Variants in CAMTA1 observed in about 807,000 individuals in gnomAD.
The protein encoded by CAMTA1 is calmodulin-binding transcription activator 1.
Under a neutral mutation model 170.9 loss-of-function variants are expected in CAMTA1, and 27 were observed. That is an observed-to-expected ratio of 0.16 (90% CI 0.12 to 0.22). CAMTA1 has a LOEUF of 0.22. Among genes scored for constraint, CAMTA1 ranks in the 10% least tolerant of loss-of-function variants. CAMTA1 has a pLI of 1.00. For missense variants in CAMTA1, 1,619 were observed against 2,217.2 expected, an observed-to-expected ratio of 0.73 and a Z score of 5.42; for synonymous variants, 833 against 891.5, an observed-to-expected ratio of 0.93 and a Z score of 1.17.
chr1:7,720,852 G>C (rs12069173), intron 11 of CAMTA1, among the ~76,000 whole-genome samples: 4,754 of 152,232 alleles, frequency 0.031, 208 homozygotes, highest in African/African-American at 0.097. Context: ...GCAGCCAGCC[G>C]GGCAGACACT....
At chr1:7,157,098 C>G (rs1197274663) in intron 4 of CAMTA1, among the ~76,000 whole-genome samples, 1 of 152,038 alleles carries the variant, frequency 6.6e-6, no homozygotes, top group Non-Finnish European at 1.5e-5. Flanking sequence ...AATCCCAGCA[C>G]TTTGGGAGGC....
intron 4 of CAMTA1, among the ~76,000 whole-genome samples, chr1:7,174,062 G>GC (rs1166645364): frequency 2.6e-5 from 4 of 152,068 alleles, no homozygotes; most frequent in Non-Finnish European, 1.5e-5. Context: ...CCACACGAGA[G>GC]CCCCTCCACT....
At position 7,562,640 on chromosome 1, in the gene CAMTA1, G is replaced by A. The variant is rs978064669; in HGVS notation, c.511-77760G>A. Among the ~76,000 whole-genome samples the A allele has an allele frequency of 5.9e-5, 9 of 152,192 alleles. No individual in the cohort carries two copies. Among genetic ancestry groups the A allele is most frequent in the Admixed American group, 2.6e-4 (4 of 15,270 alleles). On this transcript the variant is annotated intron_variant, in intron 6 of 22. Transcript: ENST00000303635. This position sits in a 1 kb window ranked among gnomAD's most constrained non-coding sequence, Gnocchi z 4.8. ...TCGGAGATGTCACCCACAACCGTCC[G>A]AAGAGATACCCAAATTGTACGCCAC...
At chr1:7,514,345 G>C (rs1047562108) in intron 6 of CAMTA1, among the ~76,000 whole-genome samples, 6 of 152,364 alleles carry the variant, frequency 3.9e-5, no homozygotes, top group African/African-American at 1.2e-4. Flanking sequence ...GCCTGGGCCA[G>C]AGTCTCTCTG....
rs1054529288 is a variant in CAMTA1, at chr1:6,971,970, G to T, written c.235-119334G>T. ...TGGCCTTGTGTTCTGGACAGGCCGT[G>T]AGCAGGAGACTGATCGTCTTGATGA... On this transcript the variant is annotated intron_variant, in intron 3 of 22. Coordinates refer to ENST00000303635, the MANE Select transcript of CAMTA1 (RefSeq NM_015215.4). This position sits in a 1 kb window ranked among gnomAD's most constrained non-coding sequence, Gnocchi z 4.6. 2.0e-5 allele frequency among the ~76,000 whole-genome samples: 3 copies of T among 152,238 alleles called. No individual in the cohort carries two copies. The highest frequency in any genetic ancestry group is 2.0e-4 in the Admixed American group (3 of 15,290).
At chr1:7,549,250 G>A (rs1000073715) in intron 6 of CAMTA1, among the ~76,000 whole-genome samples, 8 of 151,648 alleles carry the variant, frequency 5.3e-5, no homozygotes, top group African/African-American at 1.7e-4. Context: ...CCTCTTAGGG[G>A]TGGAGGTGCC....
intron 6 of CAMTA1, among the ~76,000 whole-genome samples, chr1:7,558,362 C>T (rs2094909787): frequency 6.6e-6 from 1 of 152,220 alleles, no homozygotes; most frequent in South Asian, 2.1e-4. Context: ...AGGCGGGGAG[C>T]ATGGAGCCCC....
At chr1:6,824,975 C>T (rs780587536) in intron 2 of CAMTA1, 117 bp from the exon 3 acceptor site, 31 of 569,010 alleles carry the variant, frequency 5.4e-5, no homozygotes, top group Non-Finnish European at 8.8e-5. Flanking sequence ...AGTGGGGCCT[C>T]TGATGCTCTT....
At chr1:7,004,962 G>T (rs1698769330) in intron 3 of CAMTA1, among the ~76,000 whole-genome samples, 1 of 152,158 alleles carries the variant, frequency 6.6e-6, no homozygotes, top group Non-Finnish European at 1.5e-5. Context: ...AGTAGAGACG[G>T]GGTTTCACTA....
At chr1:6,972,457 C>T (rs1692715904) in intron 3 of CAMTA1, among the ~76,000 whole-genome samples, 1 of 152,142 alleles carries the variant, frequency 6.6e-6, no homozygotes, top group South Asian at 2.1e-4. Flanking sequence ...TTAGTAAGCA[C>T]TTCTGTGTGC....
intron 5 of CAMTA1, among the ~76,000 whole-genome samples, chr1:7,280,277 C>T (rs1671324283): frequency 6.6e-6 from 1 of 152,126 alleles, no homozygotes; most frequent in African/African-American, 2.4e-5. Context: ...CTGAATTGCG[C>T]CCACCAGGGA....
At chr1:7,354,805 T>G (rs114273947) in intron 5 of CAMTA1, among the ~76,000 whole-genome samples, 7 of 152,194 alleles carry the variant, frequency 4.6e-5, no homozygotes, top group Non-Finnish European at 8.8e-5. Context: ...ATGTGCGTTT[T>G]TCTGATGATG....
rs1009230166 is a variant in CAMTA1, at chr1:7,248,104, G to A, written c.303-1387G>A. Among the ~76,000 whole-genome samples the A allele has an allele frequency of 6.6e-6, 1 of 152,188 alleles. No individual in the cohort carries two copies. The highest frequency in any genetic ancestry group is 1.5e-5 in the Non-Finnish European group (1 of 68,042). On this transcript the variant is annotated intron_variant, in intron 4 of 22. Coordinates refer to ENST00000303635, the MANE Select transcript of CAMTA1 (RefSeq NM_015215.4). The surrounding 1 kb of genome is among the most constrained non-coding windows in gnomAD (Gnocchi z 4.0). ...TATTGCCGCTGAATGACATAGTGGG[G>A]CTGGGTGGAAACTACAATTAGCTGC...
chr1:7,633,829 A>G lies in CAMTA1; in HGVS notation c.511-6571A>G, dbSNP rs2095689200. 6.6e-6 allele frequency among the ~76,000 whole-genome samples: 1 copy of G among 152,252 alleles called. No individual in the cohort carries two copies. Among genetic ancestry groups the G allele is most frequent in the Non-Finnish European group, 1.5e-5 (1 of 68,046 alleles). ...CGGAAACTGAGAGATTAGTGCTGCA[A>G]AGACAGCGAGGCGGGAACCAGGCAA... is the stretch of plus-strand genomic sequence containing the variant. On this transcript the variant is annotated intron_variant, in intron 6 of 22. Transcript: ENST00000303635. This position sits in a 1 kb window ranked among gnomAD's most constrained non-coding sequence, Gnocchi z 4.1.
rs1487774888 is a variant in CAMTA1 at position 7,767,001 on chromosome 1, A to T, written c.*510A>T. The T allele has an allele frequency of 6.5e-6, 1 of 153,412 alleles. No homozygotes were observed. The highest frequency in any genetic ancestry group is 1.5e-5 in the Non-Finnish European group (1 of 68,574). 9.5% of individuals were successfully genotyped at this position (153,412 alleles called of 1,614,324 possible). Reference sequence around the variant, plus strand: ...TGATTCTCAGTGGAGGGCTTAGATCATACAAAAATCTTTATTGGGTCCGTG... The same window carrying T: ...TGATTCTCAGTGGAGGGCTTAGATCTTACAAAAATCTTTATTGGGTCCGTG... On this transcript the variant is annotated 3_prime_UTR_variant, in exon 23 of 23. Coordinates refer to ENST00000303635, the MANE Select transcript of CAMTA1 (RefSeq NM_015215.4).
rs1208010589 is a variant in CAMTA1, at chr1:7,640,409, A to G, written c.520A>G (p.Ile174Val). The change falls in exon 7 of 23, where the codon ATC (isoleucine) becomes GTC (valine). Residue 174 changes from isoleucine to valine, a missense_variant. By Grantham distance (29) the Ile-to-Val change is conservative. Around this residue, in one of 8 missense-constraint regions of CAMTA1, gnomAD observed 97 missense variants for 225.4 expected, o/e 0.43. Transcript: ENST00000303635. The stretch of plus-strand genomic sequence containing the variant: ...TCTGCTCTCCCCACAGAACCCCGAC[A>G]TCGTCCTGGTGCACTACCTGAACGT... ...RCYWLLQNPDIVLVHYLNVPA... is the reference protein window; with the variant it reads ...RCYWLLQNPDVVLVHYLNVPA... The G allele has an allele frequency of 1.2e-6, 2 of 1,614,032 alleles. No individual in the cohort carries two copies. Among genetic ancestry groups the G allele is most frequent in the African/African-American group, 1.3e-5 (1 of 75,050 alleles).
intron 4 of CAMTA1, among the ~76,000 whole-genome samples, chr1:7,138,310 A>C (rs1245311694): frequency 6.6e-6 from 1 of 152,126 alleles, no homozygotes; most frequent in South Asian, 2.1e-4. Context: ...TAGCATGAAT[A>C]CCTTTTAGCT....
intron 3 of CAMTA1, among the ~76,000 whole-genome samples, chr1:6,883,188 C>A (rs559024320): frequency 6.6e-6 from 1 of 152,118 alleles, no homozygotes; most frequent in African/African-American, 2.4e-5. Context: ...GCCACCGCGC[C>A]CGGACAAGGA....
At chr1:7,225,777 T>C (rs1364768845) in intron 4 of CAMTA1, among the ~76,000 whole-genome samples, 1 of 152,212 alleles carries the variant, frequency 6.6e-6, no homozygotes, top group Non-Finnish European at 1.5e-5. Flanking sequence ...ACAGTGGCAT[T>C]TCCAGCTCAG....
Sources: allele counts gnomAD v4.1 joint callset (sites outside exome capture counted in the v4.1 genomes callset), GRCh38; gene constraint gnomAD v4.1.1; regional missense constraint gnomAD v4.1.1; non-coding constraint Gnocchi (gnomAD v3.1); transcripts MANE v1.5; gene names NCBI Gene and HGNC (gene_info 2026-07-23, HGNC 2026-07-21).